CXCL13: variants seen among roughly 807,000 people sequenced by gnomAD.
CXCL13 encodes the protein C-X-C motif chemokine ligand 13.
A neutral mutation model predicts 12.2 loss-of-function variants in CXCL13; 7 were observed. The ratio of observed to expected loss-of-function variants is 0.57; its 90% CI spans 0.33 to 1.07. The LOEUF is 1.07. CXCL13 is among the 50% of genes least tolerant of loss of function. The probability of loss-of-function intolerance (pLI) is 0.04; values close to 1 mark genes in which losing one functional copy is unlikely to be tolerated. For missense variants in CXCL13, 113 were observed against 127.4 expected, an observed-to-expected ratio of 0.89 and a Z score of 0.55; for synonymous variants, 47 against 42.4, an observed-to-expected ratio of 1.11 and a Z score of -0.42.
intron 1 of CXCL13, among the ~76,000 whole-genome samples, chr4:77,591,574 GTT>G (rs1185062506): frequency 1.5e-5 from 2 of 129,738 alleles, no homozygotes; most frequent in African/African-American, 6.3e-5. Context: ...AAAAAAAAAA[GTT>G]TCTCAAATTT....
At position 77,517,516 on chromosome 4, in the gene CXCL13, G is replaced by T. The variant is rs1724455917; in HGVS notation, c.-43+5728G>T. ...CTGTATTGGGTGCATATATATTTAG[G>T]ATAGTTAGTTCTTCTTGTTGAATTG... On this transcript the variant is annotated intron_variant, in intron 1 of 4. Transcript: ENST00000286758. 2.0e-5 allele frequency among the ~76,000 whole-genome samples: 3 copies of T among 152,306 alleles called. 1 individual carries two copies. Among genetic ancestry groups the T allele is most frequent in the South Asian group, 4.1e-4 (2 of 4,824 alleles).
intron 1 of CXCL13, among the ~76,000 whole-genome samples, chr4:77,571,706 T>C (rs554130959): frequency 2.0e-5 from 3 of 151,790 alleles, no homozygotes; most frequent in Non-Finnish European, 4.4e-5. Flanking sequence ...GATAAGAGAA[T>C]AAAAGCAGGC....
At chr4:77,570,493 C>G (rs1336285251) in intron 1 of CXCL13, among the ~76,000 whole-genome samples, 1 of 152,188 alleles carries the variant, frequency 6.6e-6, no homozygotes, top group Admixed American at 6.5e-5. Context: ...TGAGAGGTGA[C>G]AGCATGCTGG....
intron 1 of CXCL13, among the ~76,000 whole-genome samples, chr4:77,531,947 C>CAT (rs1724936736): frequency 6.6e-6 from 1 of 152,078 alleles, no homozygotes; most frequent in Non-Finnish European, 1.5e-5. Flanking sequence ...GTCTCTGGTA[C>CAT]GTGAGATGGG....
chr4:77,546,963 G>C (rs1345556286), intron 1 of CXCL13, among the ~76,000 whole-genome samples: 1 of 152,174 alleles, frequency 6.6e-6, no homozygotes, highest in East Asian at 1.9e-4. Flanking sequence ...TAGTTTCAAA[G>C]AAGATCTTTA....
chr4:77,560,562 G>A (rs1578054053), intron 1 of CXCL13, among the ~76,000 whole-genome samples: 1 of 152,128 alleles, frequency 6.6e-6, no homozygotes, highest in African/African-American at 2.4e-5. Flanking sequence ...GTCCTCCCAG[G>A]CTCAATTGAA....
At chr4:77,557,643 C>T (rs866952831) in intron 1 of CXCL13, among the ~76,000 whole-genome samples, 2 of 152,170 alleles carry the variant, frequency 1.3e-5, no homozygotes, top group African/African-American at 4.8e-5. Context: ...GAGTAAGAAC[C>T]ACCACCTGTT....
At chr4:77,536,898 G>A (rs138418038) in intron 1 of CXCL13, among the ~76,000 whole-genome samples, 1 of 152,246 alleles carries the variant, frequency 6.6e-6, no homozygotes, top group Admixed American at 6.5e-5. Flanking sequence ...TTATGAACTA[G>A]AGGTGTGATC....
chr4:77,569,931 A>G (rs1392925400), intron 1 of CXCL13, among the ~76,000 whole-genome samples: 2 of 152,240 alleles, frequency 1.3e-5, no homozygotes, highest in African/African-American at 4.8e-5. Flanking sequence ...ACAGACACAT[A>G]GGCCAATGGA....
chr4:77,521,181 T>C (rs1366246369), intron 1 of CXCL13, among the ~76,000 whole-genome samples: 1 of 152,202 alleles, frequency 6.6e-6, no homozygotes, highest in Non-Finnish European at 1.5e-5. Context: ...AAATTCTCTT[T>C]TTTTGTTGTG....
At chr4:77,605,734 A>T, upstream of CXCL13, 1 of 459,942 alleles carries the variant, frequency 2.2e-6, no homozygotes, top group Non-Finnish European at 4.0e-6. Flanking sequence ...TTTAAAGCTG[A>T]TGATGCAGCT....
At chr4:77,573,364 G>C (rs1311236099) in intron 1 of CXCL13, among the ~76,000 whole-genome samples, 7 of 14,928 alleles carry the variant, frequency 4.7e-4, no homozygotes, top group African/African-American at 3.8e-3. Context: ...TGGGTCTTTT[G>C]TGTGTGTGTG....
chr4:77,600,587 G>A (rs1358186626), intron 1 of CXCL13, among the ~76,000 whole-genome samples: 1 of 152,220 alleles, frequency 6.6e-6, no homozygotes, highest in East Asian at 1.9e-4. Flanking sequence ...GTCAGTAGAG[G>A]AGAAACAAGA....
chr4:77,538,149 GT>G (rs916335977), intron 1 of CXCL13, among the ~76,000 whole-genome samples: 16 of 152,144 alleles, frequency 1.1e-4, no homozygotes, highest in Admixed American at 5.2e-4. Context: ...GGATATTTTA[GT>G]TGTCTTTTTC....
intron 1 of CXCL13, among the ~76,000 whole-genome samples, chr4:77,556,485 T>C (rs1202450698): frequency 1.3e-5 from 2 of 152,242 alleles, no homozygotes; most frequent in African/African-American, 4.8e-5. Context: ...AAAAGAACTT[T>C]TCAGGATAAT....
chr4:77,553,274 G>A (rs1387768440), intron 1 of CXCL13, among the ~76,000 whole-genome samples: 1 of 152,192 alleles, frequency 6.6e-6, no homozygotes, highest in Non-Finnish European at 1.5e-5. Flanking sequence ...CACAGTTCTG[G>A]CTGTGGAAGC....
At chr4:77,526,612 G>C (rs548841438) in intron 1 of CXCL13, among the ~76,000 whole-genome samples, 5 of 152,206 alleles carry the variant, frequency 3.3e-5, no homozygotes, top group African/African-American at 1.2e-4. Context: ...TTGGCTCTTA[G>C]CCCAGGGGCC....
chr4:77,565,854 G>A (rs940062965), intron 1 of CXCL13, among the ~76,000 whole-genome samples: 5 of 152,186 alleles, frequency 3.3e-5, no homozygotes, highest in African/African-American at 1.2e-4. Context: ...TGGCCTTAAA[G>A]AAACTGCATT....
intron 1 of CXCL13, among the ~76,000 whole-genome samples, chr4:77,550,805 G>A (rs1417078713): frequency 6.6e-6 from 1 of 151,954 alleles, no homozygotes; most frequent in East Asian, 1.9e-4. Flanking sequence ...TCCAATGTTG[G>A]GTGTGTATAT....
Sources: allele counts gnomAD v4.1 joint callset (sites outside exome capture counted in the v4.1 genomes callset), GRCh38; gene constraint gnomAD v4.1.1; transcripts MANE v1.5; gene names NCBI Gene and HGNC (gene_info 2026-07-23, HGNC 2026-07-21).